The following PPP2R3B variants were observed in gnomAD, a reference collection of about 807,000 sequenced individuals.
The protein encoded by PPP2R3B is serine/threonine-protein phosphatase 2A regulatory subunit B'' subunit beta.
In PPP2R3B, 68 loss-of-function variants were observed where a neutral mutation model predicts 72.9. That is an observed-to-expected ratio of 0.93 (90% CI 0.77 to 1.14). The LOEUF (loss-of-function observed/expected upper bound fraction) is 1.14, where lower values mean the gene tolerates loss of function less well. Among genes scored for constraint, PPP2R3B ranks in the 50% most tolerant of loss-of-function variants. PPP2R3B has a pLI of 0.00. For missense variants in PPP2R3B, 1,018 were observed against 842.0 expected, an observed-to-expected ratio of 1.21 and a Z score of -2.59; for synonymous variants, 466 against 375.8, an observed-to-expected ratio of 1.24 and a Z score of -2.78.
rs28585646 is a variant in PPP2R3B at position 351,044 on chromosome X, G to A, written c.511-3351C>T. Among the ~76,000 whole-genome samples, 962 of 152,264 alleles carry A rather than the reference G, an allele frequency of 6.3e-3. 8 individuals carry two copies. Among genetic ancestry groups the A allele is most frequent in the African/African-American group, 0.021 (869 of 41,546 alleles). ...CGTGGGGGACTGCAGAGGGGGCTGC[G>A]CGCCACAGCGGGGATTGCAGTGCTG... On this transcript the variant is annotated intron_variant, in intron 2 of 12. Transcript: ENST00000390665.
intron 1 of PPP2R3B, among the ~76,000 whole-genome samples, chrX:375,914 C>T (rs73613897): frequency 6.6e-6 from 1 of 151,550 alleles, no homozygotes; most frequent in African/African-American, 2.4e-5. Context: ...TGGAACACAG[C>T]CAGGCACAGT....
intron 1 of PPP2R3B, among the ~76,000 whole-genome samples, chrX:368,374 G>C (rs1454797726): frequency 6.2e-5 from 4 of 65,018 alleles, no homozygotes; most frequent in Admixed American, 3.1e-4. Context: ...GGGCACCGAC[G>C]GGGGGAAGGC....
At chrX:350,029 C>G (rs947370444) in intron 2 of PPP2R3B, among the ~76,000 whole-genome samples, 4 of 152,212 alleles carry the variant, frequency 2.6e-5, no homozygotes, top group Non-Finnish European at 5.9e-5. Context: ...CATGTGAAAA[C>G]TTACCAGGGA....
At chrX:354,363 G>A (rs920356370) in intron 2 of PPP2R3B, among the ~76,000 whole-genome samples, 3 of 139,052 alleles carry the variant, frequency 2.2e-5, no homozygotes, top group African/African-American at 5.5e-5. Flanking sequence ...CTGCGTGGCC[G>A]GGCAATGCAC....
intron 2 of PPP2R3B, chrX:347,903 G>A (rs1237144124): frequency 1.8e-5 from 10 of 547,520 alleles, no homozygotes; most frequent in South Asian, 1.0e-4. Flanking sequence ...TGGGAGTGCC[G>A]GGCACGCAGT....
rs780967487 is a variant in PPP2R3B at position 346,291 on chromosome X, G to C, written c.793-31C>G. On this transcript the variant is annotated intron_variant, in intron 5 of 12. Transcript: ENST00000390665. ...GGGGCGCTGTCAGTGCGGTGGGTGC[G>C]CAGAGACCCCCAGGAGCCTCGCCCC... The C allele has an allele frequency of 1.1e-5, 17 of 1,540,818 alleles. No homozygotes were observed. In the Admixed American group the frequency reaches 1.7e-4, roughly 16 times the overall value.
chrX:345,664 CG>C lies in PPP2R3B; in HGVS notation c.887del (p.Ala296GlyfsTer12), dbSNP rs1429161831. The C allele has an allele frequency of 6.2e-7, 1 of 1,612,370 alleles. No individual in the cohort carries two copies. The highest frequency in any genetic ancestry group is 8.5e-7 in the Non-Finnish European group (1 of 1,179,320). ...LRRSSFLQNV[A>X]LLEEEADINQ... ...TGATGTCCGCCTCCTCCTCCAGCAGCGCCACATTCTGCCAAAGGACCCAGGC... is the reference window on the plus strand; with the variant it reads ...TGATGTCCGCCTCCTCCTCCAGCAGCCCACATTCTGCCAAAGGACCCAGGC... On this transcript the variant is annotated frameshift_variant, in exon 7 of 13. Coordinates refer to ENST00000390665, the MANE Select transcript of PPP2R3B (RefSeq NM_013239.5). LOFTEE classifies it high-confidence loss of function.
At chrX:373,901 C>G (rs2124367698) in intron 1 of PPP2R3B, 1 of 153,418 alleles carries the variant, frequency 6.5e-6, no homozygotes, top group East Asian at 1.9e-4. Flanking sequence ...CCCGGCTGCT[C>G]CCGGCGCTGC....
chrX:364,576 G>T (rs966417112), intron 1 of PPP2R3B, among the ~76,000 whole-genome samples: 9 of 149,816 alleles, frequency 6.0e-5, no homozygotes, highest in Non-Finnish European at 1.2e-4. Flanking sequence ...AAATTAGCCG[G>T]GTGTGGTGGA....
intron 1 of PPP2R3B, among the ~76,000 whole-genome samples, chrX:382,743 T>A (rs2072153715): frequency 6.6e-6 from 1 of 152,122 alleles, no homozygotes. Flanking sequence ...CCGTCAATAT[T>A]CCCAGCCCTA....
intron 7 of PPP2R3B, 122 bp downstream of exon 7, chrX:345,392 GGA>G: frequency 1.3e-5 from 17 of 1,330,992 alleles, no homozygotes; most frequent in Non-Finnish European, 1.7e-5. Context: ...CGAGTGCGAA[GGA>G]GAGGCAGCTG....
chrX:366,972 G>C (rs777364367), intron 1 of PPP2R3B, among the ~76,000 whole-genome samples: 23 of 151,932 alleles, frequency 1.5e-4, no homozygotes, highest in Admixed American at 1.5e-3. Flanking sequence ...AGGGTGCGGT[G>C]AGCTGAGGTC....
Position 338,855 on chromosome X carries a change from T to C in PPP2R3B, c.1393A>G (p.Asn465Asp), listed in dbSNP as rs2070970489. The change falls in exon 11 of 13, where the codon AAC (asparagine) becomes GAC (aspartate). Residue 465 changes from asparagine to aspartate, a missense_variant. By Grantham distance (23) the Asn-to-Asp change is conservative (BLOSUM62 1). Coordinates refer to ENST00000390665, the MANE Select transcript of PPP2R3B (RefSeq NM_013239.5). ...TTGAAGAAGGTGTCGAAGAAGACGT[T>C]AGCCAGCTTGCAGCGCTTCAGGTCC... ...LQDLKRCKLANVFFDTFFNIE... is the reference protein window; with the variant it reads ...LQDLKRCKLADVFFDTFFNIE... 1.9e-6 allele frequency: 3 copies of C among 1,612,346 alleles called. No individual in the cohort carries two copies. The highest frequency in any genetic ancestry group is 3.3e-5 in the Admixed American group (2 of 60,006).
At chrX:374,869 T>C (rs999380593) in intron 1 of PPP2R3B, among the ~76,000 whole-genome samples, 1 of 152,020 alleles carries the variant, frequency 6.6e-6, no homozygotes, top group Admixed American at 6.6e-5. Context: ...GCAGAGGAGT[T>C]TCCCTGCCCT....
chrX:340,880 C>T lies in PPP2R3B; in HGVS notation c.1236G>A (p.Glu412=), dbSNP rs757645910. The T allele has an allele frequency of 6.8e-6, 11 of 1,611,984 alleles. No homozygotes were observed. Among genetic ancestry groups the T allele is most frequent in the Non-Finnish European group, 9.3e-6 (11 of 1,179,702 alleles). ...ACTGCTCCTCGTAGAAGTACTCGAG[C>T]TCGAACATGGACAGGGCGCCGTCCC... is the stretch of plus-strand genomic sequence containing the variant. ...LDGDGALSMF[E]LEYFYEEQCR... is the part of the protein sequence containing the mutation. The change falls in exon 10 of 13, where the codon GAG becomes GAA. Residue 412 remains glutamate, a synonymous_variant. Coordinates refer to ENST00000390665, the MANE Select transcript of PPP2R3B (RefSeq NM_013239.5).
intron 12 of PPP2R3B, 109 bp from the exon 13 acceptor site, chrX:334,626 CCCT>C: frequency 8.0e-7 from 1 of 1,249,626 alleles, no homozygotes; most frequent in Middle Eastern, 2.9e-4. Context: ...CGAGACAGTC[CCCT>C]GAGCCGACCT....
intron 2 of PPP2R3B, among the ~76,000 whole-genome samples, chrX:357,734 TTAAC>T: frequency 6.6e-6 from 1 of 151,972 alleles, no homozygotes; most frequent in Non-Finnish European, 1.5e-5. Flanking sequence ...TTGAAGGAAA[TTAAC>T]AAAGAGAAAA....
At chrX:344,110 TGAGACCTCACCAACGGGAGGCGGGAGG>T (rs1569383379) in intron 7 of PPP2R3B, among the ~76,000 whole-genome samples, 419 of 14,396 alleles carry the variant, frequency 0.029, 27 homozygotes, top group East Asian at 0.037. Context: ...GAGGCGGGAG[TGAGACCTCACCAACGGGAGGCGGGAGG>T]GAGACCTCAG....
At chrX:358,438 C>A (rs899019964) in intron 2 of PPP2R3B, among the ~76,000 whole-genome samples, 1 of 92,246 alleles carries the variant, frequency 1.1e-5, no homozygotes, top group Non-Finnish European at 2.5e-5. Context: ...TCGGTGCGTG[C>A]AGGCACAGTG....
Sources: allele counts gnomAD v4.1 joint callset (sites outside exome capture counted in the v4.1 genomes callset), GRCh38; gene constraint gnomAD v4.1.1; transcripts MANE v1.5; gene names NCBI Gene and HGNC (gene_info 2026-07-23, HGNC 2026-07-21).